PRDM12: variants seen among roughly 807,000 people sequenced by gnomAD.
The protein encoded by PRDM12 is PR/SET domain 12.
In PRDM12, 17 loss-of-function variants were observed where a neutral mutation model predicts 29.6. The observed-to-expected ratio is 0.57, with a 90% CI of 0.39 to 0.86. PRDM12 has a LOEUF of 0.86. PRDM12 is among the 40% of genes least tolerant of loss of function. The probability of loss-of-function intolerance (pLI) is 0.00; values close to 1 mark genes in which losing one functional copy is unlikely to be tolerated. For missense variants in PRDM12, 422 were observed against 510.8 expected, an observed-to-expected ratio of 0.83 and a Z score of 1.68; for synonymous variants, 231 against 225.8, an observed-to-expected ratio of 1.02 and a Z score of -0.21.
intron 1 of PRDM12, 67 bp from the exon 2 acceptor site, chr9:130,666,541 G>A (rs944041534): frequency 1.5e-5 from 24 of 1,556,548 alleles, no homozygotes; most frequent in Admixed American, 5.8e-5. Context: ...GGGTCCCGGC[G>A]GGGAAGGAAG....
intron 3 of PRDM12, among the ~76,000 whole-genome samples, chr9:130,678,167 G>T (rs1338022038): frequency 1.3e-5 from 2 of 151,974 alleles, no homozygotes; most frequent in African/African-American, 4.8e-5. Flanking sequence ...TGCAGCCCTG[G>T]GGGCTGGCTG....
At chr9:130,676,491 G>A (rs534619755) in intron 3 of PRDM12, among the ~76,000 whole-genome samples, 5 of 151,890 alleles carry the variant, frequency 3.3e-5, no homozygotes, top group African/African-American at 9.7e-5. Flanking sequence ...GCGAGACTCC[G>A]TCTCAAAAAA....
At position 130,681,701 on chromosome 9, in the gene PRDM12, C is replaced by T; in HGVS notation, c.*32C>T. 4.1e-6 allele frequency: 4 copies of T among 979,940 alleles called. No homozygotes were observed. The highest frequency in any genetic ancestry group is 1.8e-5 in the African/African-American group (1 of 56,690). The allele number at this position is 979,940 out of a possible 1,614,324, so 60.7% of individuals were successfully genotyped here. ...CCGCGCCCCCGCCGGGCCCCGCGCG[C>T]TCCTGGGTCCCCGGCACCCCGGCCC... On this transcript the variant is annotated 3_prime_UTR_variant, in exon 5 of 5. Coordinates refer to ENST00000253008, the MANE Select transcript of PRDM12 (RefSeq NM_021619.3). This position sits in a 1 kb window ranked among gnomAD's most constrained non-coding sequence, Gnocchi z 8.1.
rs535571655 is a variant in PRDM12, at chr9:130,670,882, G to A, written c.570+2569G>A. 7.9e-5 allele frequency among the ~76,000 whole-genome samples: 12 copies of A among 152,304 alleles called. No individual in the cohort carries two copies. In the East Asian group the frequency reaches 1.5e-3, roughly 20 times the overall value. On this transcript the variant is annotated intron_variant, in intron 3 of 4. Transcript: ENST00000253008. ...GATGTGGGGGCCTGAGTCTCATCTC[G>A]CTGTGCAGGTCACACTGGCTAGAAG...
chr9:130,676,907 T>C (rs1375206214), intron 3 of PRDM12, among the ~76,000 whole-genome samples: 1 of 146,890 alleles, frequency 6.8e-6, no homozygotes, highest in Non-Finnish European at 1.5e-5. Context: ...CCTCCCCTTC[T>C]TCTTCTTTTT....
chr9:130,681,205 T>G lies in PRDM12; in HGVS notation c.683-43T>G. On this transcript the variant is annotated intron_variant, in intron 4 of 4. Transcript: ENST00000253008. This position sits in a 1 kb window ranked among gnomAD's most constrained non-coding sequence, Gnocchi z 8.1. ...GTTCTAACGGGGCTGCTCTCTCCCC[T>G]TCTCCGTCTCCCTTCCCCCGCCCCG... 7.1e-7 allele frequency: 1 copy of G among 1,403,242 alleles called. No individual in the cohort carries two copies. The highest frequency in any genetic ancestry group is 2.8e-5 in the East Asian group (1 of 36,336). The allele number at this position is 1,403,242 out of a possible 1,614,324, so 86.9% of individuals were successfully genotyped here.
At chr9:130,676,688 G>A (rs113155453) in intron 3 of PRDM12, among the ~76,000 whole-genome samples, 7 of 152,114 alleles carry the variant, frequency 4.6e-5, no homozygotes, top group African/African-American at 7.2e-5. Flanking sequence ...TTTCTTGGAG[G>A]CACCGTCTAA....
chr9:130,680,434 A>G (rs530216663), intron 4 of PRDM12, among the ~76,000 whole-genome samples: 1 of 150,678 alleles, frequency 6.6e-6, no homozygotes, highest in African/African-American at 2.5e-5. Flanking sequence ...AGAGATCGAG[A>G]CCATCCTGGC....
chr9:130,668,075 A>G lies in PRDM12; in HGVS notation c.415-83A>G, dbSNP rs1830749796. The G allele has an allele frequency of 6.7e-7, 1 of 1,482,774 alleles. No homozygotes were observed. The highest frequency in any genetic ancestry group is 1.4e-5 in the African/African-American group (1 of 72,356). The allele number at this position is 1,482,774 out of a possible 1,614,324, so 91.9% of individuals were successfully genotyped here. A position where few individuals can be genotyped will look rare whatever the true frequency, so the allele number is the denominator to read the frequency against. ...CTTCCTGGGGCTGTTGTGAGGATGG[A>G]GAGTGTGTGTGTGGATGTGCCTGGA... On this transcript the variant is annotated intron_variant, in intron 2 of 4. Transcript: ENST00000253008. The surrounding 1 kb of genome is among the most constrained non-coding windows in gnomAD (Gnocchi z 4.0).
In PRDM12 at chr9:130,666,859, G is replaced by A; in HGVS notation, c.414+61G>A. Reference sequence around the variant, plus strand: ...GGCGAGGGGCGCTGGTCGCGGGTAGGACTCGGGCGTCCGGCCGTCGCCGCT... The same window carrying A: ...GGCGAGGGGCGCTGGTCGCGGGTAGAACTCGGGCGTCCGGCCGTCGCCGCT... On this transcript the variant is annotated intron_variant, in intron 2 of 4. Transcript: ENST00000253008. 4 of 1,521,768 alleles carry A rather than the reference G, an allele frequency of 2.6e-6. No homozygotes were observed. The South Asian group carries it at 5.1e-5, about 19-fold the overall frequency. 94.3% of individuals were successfully genotyped at this position (1,521,768 alleles called of 1,614,324 possible).
At position 130,668,095 on chromosome 9, in the gene PRDM12, C is replaced by T; in HGVS notation, c.415-63C>T. 1.3e-6 allele frequency: 2 copies of T among 1,571,136 alleles called. No homozygotes were observed. The highest frequency in any genetic ancestry group is 1.1e-5 in the South Asian group (1 of 88,608). Reference sequence around the variant, plus strand: ...GATGGAGAGTGTGTGTGTGGATGTGCCTGGAAGATGGTACACATGGCATAG... The same window carrying T: ...GATGGAGAGTGTGTGTGTGGATGTGTCTGGAAGATGGTACACATGGCATAG... On this transcript the variant is annotated intron_variant, in intron 2 of 4. Coordinates refer to ENST00000253008, the MANE Select transcript of PRDM12 (RefSeq NM_021619.3). The surrounding 1 kb of genome is among the most constrained non-coding windows in gnomAD (Gnocchi z 4.0).
chr9:130,675,018 T>C (rs1189031168), intron 3 of PRDM12, among the ~76,000 whole-genome samples: 2 of 152,144 alleles, frequency 1.3e-5, no homozygotes, highest in East Asian at 3.9e-4. Flanking sequence ...CAGGTGGGAT[T>C]ACAGGTGCCC....
chr9:130,680,651 A>G (rs1325449740), intron 4 of PRDM12, among the ~76,000 whole-genome samples: 1 of 80,176 alleles, frequency 1.2e-5, no homozygotes, highest in East Asian at 3.7e-4. Flanking sequence ...ATATATATAT[A>G]TATATATATT....
At chr9:130,665,699 G>A (rs571246327) in intron 1 of PRDM12, among the ~76,000 whole-genome samples, 1 of 152,284 alleles carries the variant, frequency 6.6e-6, no homozygotes, top group Non-Finnish European at 1.5e-5. Flanking sequence ...GAATGGAGCC[G>A]AATGAATGCG....
In PRDM12 at chr9:130,664,859, C is replaced by A; in HGVS notation, c.206C>A (p.Ala69Glu). 1 of 1,542,246 alleles carries A rather than the reference C, an allele frequency of 6.5e-7. No individual in the cohort carries two copies. ...PKTAFTAEVLAQSFSGEVQKL... is the reference protein window; with the variant it reads ...PKTAFTAEVLEQSFSGEVQKL... ...ACAGCCTTCACCGCCGAGGTGCTGG[C>A]GCAGTCCTTCTCCGGCGGTGAGTCC... The change falls in exon 1 of 5, where the codon GCG becomes GAG. Residue 69 changes from alanine to glutamate, a missense_variant. Ala to Glu is a moderately radical substitution (Grantham distance 107). Transcript: ENST00000253008. The surrounding 1 kb of genome is among the most constrained non-coding windows in gnomAD (Gnocchi z 6.4).
intron 3 of PRDM12, among the ~76,000 whole-genome samples, chr9:130,674,652 C>T (rs1202630987): frequency 1.3e-5 from 2 of 152,114 alleles, no homozygotes; most frequent in African/African-American, 4.8e-5. Context: ...ATGGCAAACG[C>T]TTCTGGGGAA....
intron 3 of PRDM12, among the ~76,000 whole-genome samples, chr9:130,674,152 C>T (rs1830814664): frequency 6.6e-6 from 1 of 151,408 alleles, no homozygotes; most frequent in East Asian, 1.9e-4. Flanking sequence ...ATAGCTGGGA[C>T]TACAGGTACA....
At chr9:130,665,834 T>C (rs1180353459) in intron 1 of PRDM12, among the ~76,000 whole-genome samples, 1 of 152,154 alleles carries the variant, frequency 6.6e-6, no homozygotes, top group Non-Finnish European at 1.5e-5. Flanking sequence ...TTGTAAGACA[T>C]GGAGGCCGCC....
intron 3 of PRDM12, among the ~76,000 whole-genome samples, chr9:130,673,202 C>T (rs10120700): frequency 7.2e-5 from 11 of 152,044 alleles, no homozygotes; most frequent in African/African-American, 2.4e-4. Context: ...AGAGTGCTGC[C>T]GAGGGGGCCT....
Sources: gnomAD v4.1 joint callset for allele counts (sites outside exome capture counted in the v4.1 genomes callset) on GRCh38, gnomAD v4.1.1 for gene constraint, Gnocchi (gnomAD v3.1) non-coding constraint, MANE v1.5 for transcripts, NCBI Gene and HGNC (gene_info 2026-07-23, HGNC 2026-07-21) for gene names.